The following KCNMB4 variants were observed in gnomAD, a reference collection of about 807,000 sequenced individuals.
The protein encoded by KCNMB4 is calcium-activated potassium channel subunit beta-4.
A neutral mutation model predicts 20.7 loss-of-function variants in KCNMB4; 3 were observed. The ratio of observed to expected loss-of-function variants is 0.14; its 90% CI spans 0.07 to 0.37. The LOEUF is 0.37. Ranked by LOEUF, KCNMB4 falls within the 10% of genes least tolerant of loss-of-function variation. KCNMB4 has a pLI of 1.00. For missense variants in KCNMB4, 168 were observed against 265.9 expected (o/e 0.63, Z 2.56); for synonymous variants, 110 against 113.4 (o/e 0.97, Z 0.19).
intron 1 of KCNMB4, among the ~76,000 whole-genome samples, chr12:70,369,496 T>C (rs1384393397): frequency 6.6e-6 from 1 of 152,208 alleles, no homozygotes; most frequent in African/African-American, 2.4e-5. Context: ...TCTGTTTCTT[T>C]GTAGAATGTC....
chr12:70,391,735 C>T (rs1162222260), intron 1 of KCNMB4, among the ~76,000 whole-genome samples: 5 of 152,208 alleles, frequency 3.3e-5, no homozygotes, highest in African/African-American at 4.8e-5. Context: ...TTGTAGAATA[C>T]TGTCTGGAGA....
chr12:70,426,815 T>C (rs549357467), intron 2 of KCNMB4, among the ~76,000 whole-genome samples: 2 of 152,338 alleles, frequency 1.3e-5, no homozygotes, highest in African/African-American at 4.8e-5. Context: ...TAATAAATGC[T>C]GACTGTCATT....
At chr12:70,369,104 A>C (rs1883546375) in intron 1 of KCNMB4, among the ~76,000 whole-genome samples, 1 of 152,226 alleles carries the variant, frequency 6.6e-6, no homozygotes. Flanking sequence ...AACTGACAGA[A>C]CTGGAGAAGA....
intron 2 of KCNMB4, among the ~76,000 whole-genome samples, chr12:70,419,151 T>C (rs1868985650): frequency 6.6e-6 from 1 of 152,226 alleles, no homozygotes; most frequent in South Asian, 2.1e-4. Flanking sequence ...TAAGAATTAA[T>C]TCCTTTAAGG....
chr12:70,423,769 A>G (rs1329231502), intron 2 of KCNMB4, among the ~76,000 whole-genome samples: 2 of 152,112 alleles, frequency 1.3e-5, no homozygotes, highest in African/African-American at 4.8e-5. Context: ...ACCACTGTGC[A>G]TGGCCACCTC....
chr12:70,386,670 A>G (rs1041936573), intron 1 of KCNMB4, among the ~76,000 whole-genome samples: 1 of 151,584 alleles, frequency 6.6e-6, no homozygotes, highest in African/African-American at 2.4e-5. Flanking sequence ...GAATACCATA[A>G]TTACAGTTTT....
intron 2 of KCNMB4, among the ~76,000 whole-genome samples, chr12:70,408,758 T>C (rs1179064824): frequency 2.6e-5 from 4 of 152,184 alleles, no homozygotes; most frequent in Non-Finnish European, 5.9e-5. Context: ...CCTTCCAAAA[T>C]GTGTAGATTT....
intron 1 of KCNMB4, among the ~76,000 whole-genome samples, chr12:70,392,988 A>G (rs948942263): frequency 6.6e-6 from 1 of 152,156 alleles, no homozygotes; most frequent in Non-Finnish European, 1.5e-5. Flanking sequence ...AAAAAATAAT[A>G]AAATTTAAAG....
At chr12:70,370,890 T>A (rs1441075267) in intron 1 of KCNMB4, among the ~76,000 whole-genome samples, 1 of 152,110 alleles carries the variant, frequency 6.6e-6, no homozygotes, top group Non-Finnish European at 1.5e-5. Context: ...TGAGTCTCAT[T>A]CTGTTGTCCA....
At chr12:70,406,834 A>C (rs1479025833) in intron 2 of KCNMB4, among the ~76,000 whole-genome samples, 1 of 152,214 alleles carries the variant, frequency 6.6e-6, no homozygotes, top group African/African-American at 2.4e-5. Flanking sequence ...AAGAAGGACT[A>C]TTCCTCCAGA....
intron 1 of KCNMB4, 50 bp downstream of exon 1, chr12:70,367,120 G>A: frequency 7.0e-7 from 1 of 1,435,882 alleles, no homozygotes; most frequent in Non-Finnish European, 9.3e-7. Context: ...AGGTTTGGAG[G>A]CAGCGTCGGT....
At chr12:70,387,398 A>ATTTTTTTTTTTTTTTTTTTTTTTGT (rs200125786) in intron 1 of KCNMB4, among the ~76,000 whole-genome samples, 1 of 123,990 alleles carries the variant, frequency 8.1e-6, no homozygotes. Context: ...AAATTTTTTA[A>ATTTTTTTTTTTTTTTTTTTTTTTGT]TTTTTTTTTT....
chr12:70,370,887 C>T (rs978838503), intron 1 of KCNMB4, among the ~76,000 whole-genome samples: 5 of 151,852 alleles, frequency 3.3e-5, no homozygotes, highest in Admixed American at 6.6e-5. Flanking sequence ...TTTTGAGTCT[C>T]ATTCTGTTGT....
intron 1 of KCNMB4, among the ~76,000 whole-genome samples, chr12:70,375,748 A>G (rs1883673979): frequency 1.3e-5 from 2 of 152,210 alleles, no homozygotes; most frequent in African/African-American, 4.8e-5. Context: ...AACAATGTGT[A>G]GGGGTCCTAT....
chr12:70,367,670 A>G (rs1234876057), intron 1 of KCNMB4, among the ~76,000 whole-genome samples: 3 of 152,244 alleles, frequency 2.0e-5, no homozygotes, highest in East Asian at 1.9e-4. Flanking sequence ...TGGGAAGTAC[A>G]GAGGGCTCCT....
chr12:70,366,714 A>G lies in KCNMB4; in HGVS notation c.-21A>G. 2 of 1,467,630 alleles carry G rather than the reference A, an allele frequency of 1.4e-6. No homozygotes were observed. The highest frequency in any genetic ancestry group is 1.8e-6 in the Non-Finnish European group (2 of 1,103,640). The allele number at this position is 1,467,630 out of a possible 1,614,324, so 90.9% of individuals were successfully genotyped here. On this transcript the variant is annotated 5_prime_UTR_variant, in exon 1 of 3. Transcript: ENST00000258111. ...CGGGAGGGGGCGGGGGGAGCACGCCAGCCGCCGAGAGTGGGGGGCGATGGC... is the reference window on the plus strand; with the variant it reads ...CGGGAGGGGGCGGGGGGAGCACGCCGGCCGCCGAGAGTGGGGGGCGATGGC...
intron 1 of KCNMB4, among the ~76,000 whole-genome samples, chr12:70,387,547 C>T (rs1335184513): frequency 1.2e-4 from 18 of 151,914 alleles, no homozygotes; most frequent in Admixed American, 6.6e-4. Flanking sequence ...GGATTACAGG[C>T]GTGCACCACC....
intron 2 of KCNMB4, 106 bp downstream of exon 2, chr12:70,400,442 C>T: frequency 8.5e-7 from 1 of 1,174,686 alleles, no homozygotes; most frequent in Non-Finnish European, 1.2e-6. Context: ...GAGATAGCCT[C>T]AACTCTTCTT....
At chr12:70,376,128 A>G (rs946927664) in intron 1 of KCNMB4, among the ~76,000 whole-genome samples, 1 of 143,764 alleles carries the variant, frequency 7.0e-6, no homozygotes, top group African/African-American at 2.7e-5. Flanking sequence ...AAACATTGAC[A>G]AAATTTAACA....
Sources: allele counts gnomAD v4.1 joint callset (sites outside exome capture counted in the v4.1 genomes callset), GRCh38; gene constraint gnomAD v4.1.1; transcripts MANE v1.5; gene names NCBI Gene and HGNC (gene_info 2026-07-23, HGNC 2026-07-21).